The following KHK variants were observed in gnomAD, a reference collection of about 807,000 sequenced individuals.
KHK encodes fructokinase.
In KHK, 37 loss-of-function variants were observed where a neutral mutation model predicts 36.0. The observed-to-expected ratio is 1.03, with a 90% confidence interval of 0.79 to 1.35. The LOEUF is 1.35. Among genes scored for constraint, KHK ranks in the 40% most tolerant of loss-of-function variants. The pLI, the probability that KHK is intolerant of heterozygous loss-of-function variation, is 0.00. For synonymous variants in KHK, 161 were observed against 162.8 expected (o/e 0.99, Z 0.08); for missense variants, 395 against 391.9 (o/e 1.01, Z -0.07).
At chr2:27,095,370 C>T (rs1356850712) in intron 3 of KHK, among the ~76,000 whole-genome samples, 1 of 152,174 alleles carries the variant, frequency 6.6e-6, no homozygotes, top group Non-Finnish European at 1.5e-5. Flanking sequence ...GAGTTGCCAG[C>T]CTGCAGCATG....
In KHK at chr2:27,099,812, C is replaced by A. The variant is rs1220026720; in HGVS notation, c.*62C>A. 5 of 1,584,220 alleles carry A rather than the reference C, an allele frequency of 3.2e-6. No individual in the cohort carries two copies. The highest frequency in any genetic ancestry group is 4.3e-6 in the Non-Finnish European group (5 of 1,165,650). On this transcript the variant is annotated 3_prime_UTR_variant, in exon 8 of 8. Transcript: ENST00000260598. ...CCATTGCGGCTGCATCGCCTTCTCCCCTCCATCCAGCCTGGCGTCCAGGTT... is the reference window on the plus strand; with the variant it reads ...CCATTGCGGCTGCATCGCCTTCTCCACTCCATCCAGCCTGGCGTCCAGGTT...
intron 2 of KHK, among the ~76,000 whole-genome samples, chr2:27,093,125 CTG>C (rs1670114062): frequency 6.6e-6 from 1 of 152,228 alleles, no homozygotes; most frequent in Non-Finnish European, 1.5e-5. Flanking sequence ...ACTTTGCACA[CTG>C]TGGGCACGGG....
chr2:27,088,515 C>T (rs1232536063), intron 1 of KHK, among the ~76,000 whole-genome samples: 5 of 152,168 alleles, frequency 3.3e-5, no homozygotes, highest in South Asian at 2.1e-4. Flanking sequence ...TGGATTCAAG[C>T]GATTCTCCTG....
chr2:27,094,988 A>C, intron 3 of KHK, 54 bp downstream of exon 3: 1 of 1,606,120 alleles, frequency 6.2e-7, no homozygotes, highest in East Asian at 2.2e-5. Context: ...TGGCTCAATC[A>C]GTTCCCTCAC....
At position 27,087,031 on chromosome 2, in the gene KHK, G is replaced by A. The variant is rs1313592291; in HGVS notation, c.-229G>A. ...GGGAAGACCGGGGACCAAGACCTCT[G>A]GGTTGGCTTTCCTAGACCCGCTCGG... On this transcript the variant is annotated 5_prime_UTR_variant, in exon 1 of 8. Coordinates refer to ENST00000260598, the MANE Select transcript of KHK (RefSeq NM_006488.3). The A allele has an allele frequency of 1.3e-5, 6 of 472,878 alleles. No individual in the cohort carries two copies. Among genetic ancestry groups the A allele is most frequent in the African/African-American group, 2.0e-5 (1 of 51,186 alleles). 29.3% of individuals were successfully genotyped at this position (472,878 alleles called of 1,614,324 possible).
chr2:27,100,537 T>TA lies in KHK; in HGVS notation c.*789dup. On this transcript the variant is annotated 3_prime_UTR_variant, in exon 8 of 8. Transcript: ENST00000260598. ...GGGGCCAACTCCAATATAGGGTGGG[T>TA]AAGGCCTTATAATGTAAAGAGCATA... is the stretch of plus-strand genomic sequence containing the variant. 7.7e-7 allele frequency: 1 copy of TA among 1,290,748 alleles called. No homozygotes were observed. Among genetic ancestry groups the TA allele is most frequent in the Non-Finnish European group, 1.0e-6 (1 of 988,688 alleles). The allele number at this position is 1,290,748 out of a possible 1,614,324, so 80.0% of individuals were successfully genotyped here.
rs888658723 is a variant in KHK, at chr2:27,100,588, C to G, written c.*838C>G. 22 of 1,269,624 alleles carry G rather than the reference C, an allele frequency of 1.7e-5. No individual in the cohort carries two copies. The African/African-American group carries it at 3.2e-4, about 19-fold the overall frequency. The allele number at this position is 1,269,624 out of a possible 1,614,324, so 78.6% of individuals were successfully genotyped here. A position where few individuals can be genotyped will look rare whatever the true frequency, so the allele number is the denominator to read the frequency against. ...TAATGTAAAGGGCTTTAGAGTGAGA[C>G]AGACCTGGATTAAAATCTGCCATTT... is the stretch of plus-strand genomic sequence containing the variant. On this transcript the variant is annotated 3_prime_UTR_variant, in exon 8 of 8. Coordinates refer to ENST00000260598, the MANE Select transcript of KHK (RefSeq NM_006488.3).
At chr2:27,094,079 T>A (rs1041429388) in intron 2 of KHK, 1 of 349,022 alleles carries the variant, frequency 2.9e-6, no homozygotes, top group Non-Finnish European at 5.6e-6. Flanking sequence ...AGATTAATTA[T>A]TAATCCTGTT....
intron 3 of KHK, among the ~76,000 whole-genome samples, chr2:27,095,889 C>A (rs1209447846): frequency 1.3e-5 from 2 of 152,228 alleles, no homozygotes; most frequent in African/African-American, 4.8e-5. Context: ...TCCGTAGTAA[C>A]CCTGATCAAG....
At chr2:27,091,158 C>G (rs933399991) in intron 1 of KHK, among the ~76,000 whole-genome samples, 3 of 152,252 alleles carry the variant, frequency 2.0e-5, no homozygotes, top group Non-Finnish European at 4.4e-5. Context: ...ATGGCTCACC[C>G]CAGCCTAAAC....
Position 27,096,703 on chromosome 2 carries a change from T to C in KHK, c.345-26T>C, listed in dbSNP as rs1381827284. ...CCTGACCCCATCATGCTCCTTCTTC[T>C]CTGTCTTTTCCATCCTGTGACCTAG... is the stretch of plus-strand genomic sequence containing the variant. On this transcript the variant is annotated intron_variant, in intron 3 of 7. Coordinates refer to ENST00000260598, the MANE Select transcript of KHK (RefSeq NM_006488.3). 5 of 1,602,724 alleles carry C rather than the reference T, an allele frequency of 3.1e-6. No individual in the cohort carries two copies. The African/African-American group carries it at 4.0e-5, about 13-fold the overall frequency.
intron 1 of KHK, among the ~76,000 whole-genome samples, chr2:27,088,499 G>T (rs1005822845): frequency 7.2e-5 from 11 of 152,042 alleles, no homozygotes; most frequent in African/African-American, 2.7e-4. Context: ...TGCAACCTCC[G>T]CCTCCTGGAT....
chr2:27,094,829 G>C lies in KHK; in HGVS notation c.239G>C (p.Gly80Ala). The change falls in exon 3 of 8, where the codon GGC becomes GCC. Residue 80 changes from glycine to alanine, a missense_variant. Coordinates refer to ENST00000260598, the MANE Select transcript of KHK (RefSeq NM_006488.3). Reference sequence around the variant, plus strand: ...CTGGTGGCCGACTTCAGGCGGCGGGGCGTGGACGTGTCTCAGGTGGCCTGG... The same window carrying C: ...CTGGTGGCCGACTTCAGGCGGCGGGCCGTGGACGTGTCTCAGGTGGCCTGG... Reference protein sequence around the residue: ...DFLVADFRRRGVDVSQVAWQS... With the variant: ...DFLVADFRRRAVDVSQVAWQS... 6.2e-7 allele frequency: 1 copy of C among 1,614,042 alleles called. No homozygotes were observed. The highest frequency in any genetic ancestry group is 1.3e-5 in the African/African-American group (1 of 75,068).
In KHK at chr2:27,099,814, T is replaced by G. The variant is rs1182637240; in HGVS notation, c.*64T>G. 1.3e-6 allele frequency: 2 copies of G among 1,582,070 alleles called. No individual in the cohort carries two copies. Among genetic ancestry groups the G allele is most frequent in the South Asian group, 1.1e-5 (1 of 87,090 alleles). ...ATTGCGGCTGCATCGCCTTCTCCCC[T>G]CCATCCAGCCTGGCGTCCAGGTTGC... On this transcript the variant is annotated 3_prime_UTR_variant, in exon 8 of 8. Coordinates refer to ENST00000260598, the MANE Select transcript of KHK (RefSeq NM_006488.3).
Position 27,099,449 on chromosome 2 carries a change from A to C in KHK, c.683A>C (p.Glu228Ala). The C allele has an allele frequency of 6.2e-7, 1 of 1,613,800 alleles. No homozygotes were observed. Among genetic ancestry groups the C allele is most frequent in the Non-Finnish European group, 8.5e-7 (1 of 1,179,854 alleles). Residue 228 changes from glutamate to alanine, a missense_variant, in exon 7 of 8, where the codon GAG becomes GCG. Glu to Ala is a moderately radical substitution (Grantham distance 107). Coordinates refer to ENST00000260598, the MANE Select transcript of KHK (RefSeq NM_006488.3). ...GAVLVCAWAE[E>A]GADALGPDGK... is the part of the protein sequence containing the mutation. The stretch of plus-strand genomic sequence containing the variant: ...GTGCTTGTCTGTGCCTGGGCTGAGG[A>C]GGGCGCCGACGCCCTGGGCCCTGAT...
chr2:27,088,357 T>A lies in KHK; in HGVS notation c.92+1006T>A, dbSNP rs1322625829. ...CCTGGGCTCAAGCAGTCCTCCTGCTTTGGCCTCTCAAAGTACTGGGATTAC... is the reference window on the plus strand; with the variant it reads ...CCTGGGCTCAAGCAGTCCTCCTGCTATGGCCTCTCAAAGTACTGGGATTAC... On this transcript the variant is annotated intron_variant, in intron 1 of 7. Coordinates refer to ENST00000260598, the MANE Select transcript of KHK (RefSeq NM_006488.3). Among the ~76,000 whole-genome samples the A allele has an allele frequency of 2.0e-5, 3 of 152,292 alleles. No homozygotes were observed. The East Asian group carries it at 5.8e-4, about 29-fold the overall frequency.
At position 27,097,608 on chromosome 2, in the gene KHK, C is replaced by T. The variant is rs780869692; in HGVS notation, c.523C>T (p.Pro175Ser). The change falls in exon 5 of 8, where the codon CCA (proline) becomes TCA (serine). Residue 175 changes from proline to serine, a missense_variant. Coordinates refer to ENST00000260598, the MANE Select transcript of KHK (RefSeq NM_006488.3). Reference sequence around the variant, plus strand: ...CCGGGTGTCCGTGGAGGTGGAGAAGCCACGAGAGGAGCTCTTCCAGCTGTT... The same window carrying T: ...CCGGGTGTCCGTGGAGGTGGAGAAGTCACGAGAGGAGCTCTTCCAGCTGTT... ...KIRVSVEVEK[P>S]REELFQLFGY... The T allele has an allele frequency of 1.2e-6, 2 of 1,614,122 alleles. No individual in the cohort carries two copies. Among genetic ancestry groups the T allele is most frequent in the Non-Finnish European group, 1.7e-6 (2 of 1,180,048 alleles).
At chr2:27,087,466 G>C in intron 1 of KHK, 115 bp downstream of exon 1, 1 of 751,974 alleles carries the variant, frequency 1.3e-6, no homozygotes, top group Non-Finnish European at 2.2e-6. Context: ...CGGCTTCAAG[G>C]CCGGACCCGC....
rs1670707689 is a variant in KHK, at chr2:27,099,971, C to T, written c.*221C>T. ...GCAAATAAATCTTCCTCAGAGCCAG[C>T]TTCTCCTCTCAATGTCTGAACTGCT... On this transcript the variant is annotated 3_prime_UTR_variant, in exon 8 of 8. Transcript: ENST00000260598. The T allele has an allele frequency of 4.1e-6, 4 of 965,080 alleles. No individual in the cohort carries two copies. The highest frequency in any genetic ancestry group is 3.1e-4 in the Middle Eastern group (1 of 3,246). The allele number at this position is 965,080 out of a possible 1,614,324, so 59.8% of individuals were successfully genotyped here.
Sources: allele counts gnomAD v4.1 joint callset (sites outside exome capture counted in the v4.1 genomes callset), GRCh38; gene constraint gnomAD v4.1.1; transcripts MANE v1.5; gene names NCBI Gene and HGNC (gene_info 2026-07-23, HGNC 2026-07-21).